The following MTCL1 variants were observed in gnomAD, a reference collection of about 807,000 sequenced individuals.
MTCL1 encodes the protein microtubule crosslinking factor 1.
In MTCL1, 79 loss-of-function variants were observed where a neutral mutation model predicts 141.4. That is an observed-to-expected ratio of 0.56 (90% confidence interval 0.47 to 0.67). The LOEUF (loss-of-function observed/expected upper bound fraction) is 0.67, where lower values mean the gene tolerates loss of function less well. Among genes scored for constraint, MTCL1 ranks in the 30% least tolerant of loss-of-function variants. MTCL1 has a pLI of 0.00. For missense variants in MTCL1, 2,177 were observed against 2,113.9 expected (o/e 1.03, Z -0.59); for synonymous variants, 914 against 875.8 (o/e 1.04, Z -0.77).
At chr18:8,710,171 A>G (rs2096079267) in intron 1 of MTCL1, among the ~76,000 whole-genome samples, 1 of 152,222 alleles carries the variant, frequency 6.6e-6, no homozygotes, top group South Asian at 2.1e-4. Flanking sequence ...GTCAGTGTCA[A>G]CAGAGAAGCG....
In MTCL1 at chr18:8,784,317, G is replaced by A. The variant is rs201398082; in HGVS notation, c.1205G>A (p.Arg402His). 4.9e-5 allele frequency: 76 copies of A among 1,558,786 alleles called. No individual in the cohort carries two copies. The highest frequency in any genetic ancestry group is 2.4e-4 in the Admixed American group (13 of 55,264). ...AAGGAGAGTGATGGGGAGGAGAGCC[G>A]CCTGCCCCAGCCCAAGCGGGAAGGG... is the stretch of plus-strand genomic sequence containing the variant. The change falls in exon 6 of 17, where the codon CGC (arginine) becomes CAC (histidine). Residue 402 changes from arginine (R) to histidine (H), a missense_variant. By Grantham distance (29) the Arg-to-His change is conservative (BLOSUM62 0). Transcript: ENST00000359865.
chr18:8,780,827 C>A (rs987905858), intron 5 of MTCL1, among the ~76,000 whole-genome samples: 4 of 152,102 alleles, frequency 2.6e-5, no homozygotes, highest in Non-Finnish European at 5.9e-5. Context: ...AAGTAACATG[C>A]CAACTTCTGG....
intron 4 of MTCL1, among the ~76,000 whole-genome samples, chr18:8,728,228 TATC>T (rs1002101674): frequency 7.9e-5 from 12 of 152,336 alleles, no homozygotes; most frequent in South Asian, 2.1e-4. Flanking sequence ...TTTGTTTACT[TATC>T]ATTGCTTCTT....
At chr18:8,831,813 T>G (rs1372274929) in exon 17 of MTCL1, 10 of 1,550,114 alleles carry the variant, frequency 6.5e-6, no homozygotes, top group Middle Eastern at 1.7e-4. Context: ...CAAGCTTGCA[T>G]GGATTATCAC....
chr18:8,796,526 T>C (rs761323931), intron 9 of MTCL1, 64 bp downstream of exon 8: 11 of 1,478,642 alleles, frequency 7.4e-6, no homozygotes, highest in Non-Finnish European at 1.0e-5. Flanking sequence ...GACACTGCTT[T>C]CTCCTCACCC....
chr18:8,716,310 A>G (rs2096127832), upstream of MTCL1, among the ~76,000 whole-genome samples: 1 of 152,204 alleles, frequency 6.6e-6, no homozygotes, highest in African/African-American at 2.4e-5. Context: ...AGTCCTGGTC[A>G]AGTGAGTAGC....
At chr18:8,818,294 TC>T (rs75372170) in intron 12 of MTCL1, among the ~76,000 whole-genome samples, 67,683 of 151,852 alleles carry the variant, frequency 0.45, 15,280 homozygotes, top group African/African-American at 0.49. Flanking sequence ...CACTACCGCT[TC>T]TTGAGTTCAA....
At chr18:8,809,704 G>C (rs769686732) in intron 11 of MTCL1, 10 of 1,308,944 alleles carry the variant, frequency 7.6e-6, no homozygotes, top group Non-Finnish European at 1.0e-5. Context: ...CACCTCGCAC[G>C]GCTGTCAGGT....
Position 8,828,897 on chromosome 18 carries a change from G to A in MTCL1, c.4723-11G>A. On this transcript the variant is annotated splice_polypyrimidine_tract_variant and intron_variant, in intron 15 of 16. Coordinates refer to ENST00000359865, the Ensembl canonical transcript of MTCL1. This position sits in a 1 kb window ranked among gnomAD's most constrained non-coding sequence, Gnocchi z 5.2. ...TTGCTTTTCTTTTCTTTCTCTGTCTGTTCTGTCCAGAACCAAACTGTCTTG... is the reference window on the plus strand; with the variant it reads ...TTGCTTTTCTTTTCTTTCTCTGTCTATTCTGTCCAGAACCAAACTGTCTTG... The A allele has an allele frequency of 1.2e-6, 2 of 1,614,174 alleles. No homozygotes were observed. The highest frequency in any genetic ancestry group is 2.2e-5 in the East Asian group (1 of 44,886).
chr18:8,760,279 G>C (rs184409230), intron 4 of MTCL1, among the ~76,000 whole-genome samples: 274 of 152,294 alleles, frequency 1.8e-3, no homozygotes, highest in Middle Eastern at 6.8e-3. Flanking sequence ...CTGGCCGTGT[G>C]GTGGGCAAGT....
Position 8,786,033 on chromosome 18 carries a change from G to A in MTCL1, c.1829G>A (p.Arg610His), listed in dbSNP as rs202096044. 12,111 of 1,605,450 alleles carry A rather than the reference G, an allele frequency of 7.5e-3. 80 individuals carry two copies. The highest frequency in any genetic ancestry group is 0.044 in the Middle Eastern group (227 of 5,190). The stretch of plus-strand genomic sequence containing the variant: ...CGAGCCGCGCGGGAGCTGCACCGCC[G>A]CGCAGACGGGGACACCGGGAGCCAC... The change falls in exon 7 of 17, where the codon CGC becomes CAC. Residue 610 changes from arginine (R) to histidine (H), a missense_variant. Transcript: ENST00000359865.
intron 9 of MTCL1, 89 bp from the exon 9 acceptor site, chr18:8,798,008 G>A (rs2075984969): frequency 1.5e-6 from 2 of 1,318,972 alleles, no homozygotes; most frequent in Admixed American, 2.7e-5. Flanking sequence ...AATCCATAAA[G>A]TAGATGGTTA....
At chr18:8,794,849 G>T (rs1010170217) in intron 8 of MTCL1, among the ~76,000 whole-genome samples, 1 of 152,144 alleles carries the variant, frequency 6.6e-6, no homozygotes, top group African/African-American at 2.4e-5. Context: ...TAGATTAACT[G>T]CCTCTTTTAT....
chr18:8,766,921 G>A (rs2096462391), intron 4 of MTCL1, among the ~76,000 whole-genome samples: 1 of 152,194 alleles, frequency 6.6e-6, no homozygotes, highest in African/African-American at 2.4e-5. Flanking sequence ...CTCACTGGCT[G>A]ACCCACCTCA....
chr18:8,799,593 T>C (rs993672705), intron 10 of MTCL1, among the ~76,000 whole-genome samples: 4 of 152,238 alleles, frequency 2.6e-5, no homozygotes, highest in African/African-American at 9.6e-5. Flanking sequence ...CTTTACAATC[T>C]ACTAATTTTA....
At chr18:8,813,174 G>T (rs1185081389) in exon 12 of MTCL1, 1 of 1,613,704 alleles carries the variant, frequency 6.2e-7, no homozygotes, top group Non-Finnish European at 8.5e-7. Flanking sequence ...CGACCGCCTG[G>T]ACAGAGATCG....
At chr18:8,785,590 G>A (rs1442681648) in intron 6 of MTCL1, 6 of 263,968 alleles carry the variant, frequency 2.3e-5, no homozygotes, top group Non-Finnish European at 3.6e-5. Context: ...TTTCCTTCAC[G>A]GGTAGCGTGC....
At chr18:8,831,701 C>T in exon 17 of MTCL1, 8 of 1,550,682 alleles carry the variant, frequency 5.2e-6, no homozygotes, top group South Asian at 2.4e-5. Flanking sequence ...CGTTGGGCCC[C>T]ACATTCCCCC....
chr18:8,738,804 G>C (rs2096286688), intron 4 of MTCL1, among the ~76,000 whole-genome samples: 1 of 152,170 alleles, frequency 6.6e-6, no homozygotes, highest in Admixed American at 6.5e-5. Context: ...CTGAAAACTA[G>C]GCTCAACAGA....
Sources: gnomAD v4.1 joint callset for allele counts (sites outside exome capture counted in the v4.1 genomes callset) on GRCh38, gnomAD v4.1.1 for gene constraint, Gnocchi (gnomAD v3.1) non-coding constraint, MANE v1.5 for transcripts, NCBI Gene and HGNC (gene_info 2026-07-23, HGNC 2026-07-21) for gene names.